The following FOCAD variants were observed in gnomAD, a reference collection of about 807,000 sequenced individuals.
FOCAD encodes focadhesin, also known as KIAA1797.
Under a neutral mutation model 225.6 loss-of-function variants are expected in FOCAD, and 198 were observed. The observed-to-expected ratio is 0.88, with a 90% CI of 0.78 to 0.99. The LOEUF is 0.99. Ranked by LOEUF, FOCAD falls within the 50% of genes least tolerant of loss-of-function variation. The pLI is 0.00. For missense variants in FOCAD, 2,713 were observed against 2,123.6 expected (o/e 1.28, Z -5.46); for synonymous variants, 897 against 755.0 (o/e 1.19, Z -3.08).
At chr9:20,895,557 G>A (rs745451207) in intron 21 of FOCAD, among the ~76,000 whole-genome samples, 9 of 151,274 alleles carry the variant, frequency 5.9e-5, no homozygotes, top group African/African-American at 9.7e-5. Context: ...ATATGTCTGC[G>A]CATATATATG....
chr9:20,783,481 C>T (rs974076971), intron 10 of FOCAD, among the ~76,000 whole-genome samples: 3 of 151,948 alleles, frequency 2.0e-5, no homozygotes, highest in African/African-American at 7.3e-5. Context: ...ATCTTTGCTT[C>T]TGCACAGAAT....
intron 11 of FOCAD, among the ~76,000 whole-genome samples, chr9:20,813,907 A>T (rs1266948201): frequency 1.3e-5 from 2 of 152,102 alleles, no homozygotes; most frequent in African/African-American, 4.8e-5. Flanking sequence ...TCTGGGTGCT[A>T]TGATGTTGGT....
intron 15 of FOCAD, among the ~76,000 whole-genome samples, chr9:20,857,992 G>A (rs1405454757): frequency 6.6e-6 from 1 of 151,778 alleles, no homozygotes; most frequent in Non-Finnish European, 1.5e-5. Context: ...AATTTGTTGT[G>A]GTGGCATTTT....
At chr9:20,860,803 G>A (rs570309001) in intron 15 of FOCAD, among the ~76,000 whole-genome samples, 124 of 152,146 alleles carry the variant, frequency 8.2e-4, no homozygotes, top group Non-Finnish European at 1.6e-3. Flanking sequence ...GAGCCACCAC[G>A]CCAGGCCCAA....
At chr9:20,917,514 C>T (rs925988109) in intron 24 of FOCAD, among the ~76,000 whole-genome samples, 1 of 152,132 alleles carries the variant, frequency 6.6e-6, no homozygotes, top group African/African-American at 2.4e-5. Flanking sequence ...CCGAAACTTG[C>T]TTGAACAATC....
chr9:20,734,422 A>T (rs977742710), intron 4 of FOCAD, among the ~76,000 whole-genome samples: 1 of 152,240 alleles, frequency 6.6e-6, no homozygotes, highest in African/African-American at 2.4e-5. Flanking sequence ...AGTGTTTTAG[A>T]ATTGAATATT....
intron 21 of FOCAD, among the ~76,000 whole-genome samples, chr9:20,901,340 A>C (rs1291722444): frequency 6.6e-6 from 1 of 151,784 alleles, no homozygotes; most frequent in Non-Finnish European, 1.5e-5. Flanking sequence ...GCAAACATGA[A>C]AAATGCCTTT....
chr9:20,986,280 T>TTTTTTTTTTTTTTTTTTTTTTTTTG lies in FOCAD; in HGVS notation c.4729-5_4729-4insTTTTTTTTTTTTTTTTTTTTTGTTT. 7.0e-7 allele frequency: 1 copy of TTTTTTTTTTTTTTTTTTTTTTTTTG among 1,438,004 alleles called. No homozygotes were observed. The highest frequency in any genetic ancestry group is 9.2e-7 in the Non-Finnish European group (1 of 1,087,296). The allele number at this position is 1,438,004 out of a possible 1,614,324, so 89.1% of individuals were successfully genotyped here. ...GTAACTAAACAATTTTTTTTTTTTT[T>TTTTTTTTTTTTTTTTTTTTTTTTTG]TTTGCAGAGCAACATAGAAAAAGCT... is the stretch of plus-strand genomic sequence containing the variant. On this transcript the variant is annotated splice_region_variant and splice_polypyrimidine_tract_variant and intron_variant, in intron 39 of 43. Transcript: ENST00000338382.
chr9:20,877,249 A>C (rs1269151949), intron 19 of FOCAD, among the ~76,000 whole-genome samples: 1 of 152,198 alleles, frequency 6.6e-6, no homozygotes, highest in East Asian at 1.9e-4. Context: ...TGAAAGACCA[A>C]ATCCCGAATA....
Position 20,720,444 on chromosome 9 carries a change from G to C in FOCAD, c.197G>C (p.Cys66Ser). Reference sequence around the variant, plus strand: ...GACAATGTAGTGGTTCGAACAGCCTGCTGTGAAGGTCTGGTGGCACTCGTT... The same window carrying C: ...GACAATGTAGTGGTTCGAACAGCCTCCTGTGAAGGTCTGGTGGCACTCGTT... ...CSDNVVVRTACCEGLVALVAQ... is the reference protein window; with the variant it reads ...CSDNVVVRTASCEGLVALVAQ... The change falls in exon 4 of 44, where the codon TGC becomes TCC. Residue 66 changes from cysteine to serine, a missense_variant. Cys to Ser is a moderately radical substitution (Grantham distance 112, BLOSUM62 -1). Coordinates refer to ENST00000338382, the MANE Select transcript of FOCAD (RefSeq NM_001375567.1). The C allele has an allele frequency of 1.9e-6, 3 of 1,614,136 alleles. No homozygotes were observed. Among genetic ancestry groups the C allele is most frequent in the Non-Finnish European group, 2.5e-6 (3 of 1,179,996 alleles).
chr9:20,953,609 T>G (rs138126927), intron 35 of FOCAD, among the ~76,000 whole-genome samples: 2 of 152,298 alleles, frequency 1.3e-5, no homozygotes, highest in African/African-American at 4.8e-5. Flanking sequence ...AGAGATTGAG[T>G]GCCTTTTGTT....
intron 15 of FOCAD, among the ~76,000 whole-genome samples, chr9:20,827,015 A>C (rs1824964865): frequency 6.6e-6 from 1 of 152,142 alleles, no homozygotes; most frequent in African/African-American, 2.4e-5. Context: ...AATAAGAAAT[A>C]ATCTTTTTTA....
intron 10 of FOCAD, among the ~76,000 whole-genome samples, chr9:20,782,928 A>C (rs1196468216): frequency 2.0e-5 from 3 of 152,240 alleles, no homozygotes; most frequent in Non-Finnish European, 4.4e-5. Flanking sequence ...TAAAACTTTA[A>C]AACTTGAAAC....
At position 20,874,853 on chromosome 9, in the gene FOCAD, C is replaced by T. The variant is rs753954602; in HGVS notation, c.2317+46C>T. ...GAGAAGCTAGCATTTTTTAGTGGTT[C>T]GATTTGTCTGATTGTATTCTTTTGT... On this transcript the variant is annotated intron_variant, in intron 19 of 43. Coordinates refer to ENST00000338382, the MANE Select transcript of FOCAD (RefSeq NM_001375567.1). 39 of 1,609,910 alleles carry T rather than the reference C, an allele frequency of 2.4e-5. 1 individual carries two copies. Among genetic ancestry groups the T allele is most frequent in the Middle Eastern group, 3.3e-4 (2 of 6,034 alleles).
chr9:20,941,703 A>C (rs186286342), intron 28 of FOCAD, among the ~76,000 whole-genome samples: 1 of 152,122 alleles, frequency 6.6e-6, no homozygotes, highest in African/African-American at 2.4e-5. Flanking sequence ...ATTTGTTAGC[A>C]CTCTTATAGA....
At chr9:20,677,270 A>G (rs1822262401) in intron 2 of FOCAD, among the ~76,000 whole-genome samples, 1 of 152,236 alleles carries the variant, frequency 6.6e-6, no homozygotes, top group Admixed American at 6.5e-5. Flanking sequence ...TAAAATTACT[A>G]GAAGCAAAGA....
chr9:20,659,440 A>AAGAAAGAAACAAAGAAAGAAAGAC (rs71334544), intron 2 of FOCAD, among the ~76,000 whole-genome samples: 3 of 145,070 alleles, frequency 2.1e-5, no homozygotes, highest in African/African-American at 2.6e-5. Context: ...GAAAGAAAGA[A>AAGAAAGAAACAAAGAAAGAAAGAC]AGACAGACAG....
At chr9:20,708,126 C>T (rs1324261002) in intron 1 of FOCAD, among the ~76,000 whole-genome samples, 1 of 152,070 alleles carries the variant, frequency 6.6e-6, no homozygotes, top group Non-Finnish European at 1.5e-5. Flanking sequence ...ACCCTTGAGC[C>T]ATAGTCTTGA....
chr9:20,867,121 A>T (rs1829356408), intron 18 of FOCAD, 109 bp downstream of exon 18: 1 of 644,858 alleles, frequency 1.6e-6, no homozygotes, highest in Non-Finnish European at 2.6e-6. Context: ...ATAACCCTAG[A>T]TCTGTTGTCC....
Sources: gnomAD v4.1 joint callset for allele counts (sites outside exome capture counted in the v4.1 genomes callset) on GRCh38, gnomAD v4.1.1 for gene constraint, MANE v1.5 for transcripts, NCBI Gene and HGNC (gene_info 2026-07-23, HGNC 2026-07-21) for gene names.